Variants in B4GALT4 observed in about 807,000 individuals in gnomAD.
B4GALT4 encodes the protein N-acetyllactosamine synthase.
A neutral mutation model predicts 37.3 loss-of-function variants in B4GALT4; 27 were observed. The ratio of observed to expected loss-of-function variants is 0.72; its 90% CI spans 0.53 to 1.00. The LOEUF (loss-of-function observed/expected upper bound fraction) is 1.00. Among genes scored for constraint, B4GALT4 ranks in the 50% least tolerant of loss-of-function variants. The pLI is 0.00. For missense variants in B4GALT4, 372 were observed against 413.1 expected (o/e 0.90, Z 0.86); for synonymous variants, 148 against 154.1 (o/e 0.96, Z 0.29).
At chr3:119,225,541 C>G (rs1295977294) in intron 4 of B4GALT4, among the ~76,000 whole-genome samples, 1 of 150,922 alleles carries the variant, frequency 6.6e-6, no homozygotes, top group East Asian at 1.9e-4. Flanking sequence ...GGACTACAGG[C>G]ATGTGCCACC....
intron 1 of B4GALT4, chr3:119,240,406 G>A (rs998635296): frequency 2.0e-5 from 3 of 152,236 alleles, no homozygotes; most frequent in Non-Finnish European, 2.9e-5. Flanking sequence ...GCAGGACTGG[G>A]GCTGGTGTCA....
At chr3:119,231,803 AAAT>A (rs1436002377) in intron 2 of B4GALT4, among the ~76,000 whole-genome samples, 147 of 132,600 alleles carry the variant, frequency 1.1e-3, no homozygotes, top group Non-Finnish European at 2.0e-3. Flanking sequence ...ATAAAATATA[AAAT>A]AATATATTTT....
chr3:119,212,111 G>T lies in B4GALT4; in HGVS notation c.*438C>A. 5.7e-6 allele frequency: 4 copies of T among 702,844 alleles called. No homozygotes were observed. In the Admixed American group the frequency reaches 6.0e-5, roughly 11 times the overall value. 43.5% of individuals were successfully genotyped at this position (702,844 alleles called of 1,614,324 possible). ...TCACAGATGATTGTACAGGATAAAT[G>T]AATAACAGTATTGTATCTTCGTACC... On this transcript the variant is annotated 3_prime_UTR_variant, in exon 8 of 8. Coordinates refer to ENST00000393765, the MANE Select transcript of B4GALT4 (RefSeq NM_003778.4).
intron 5 of B4GALT4, among the ~76,000 whole-genome samples, chr3:119,223,712 A>G (rs977216235): frequency 1.3e-5 from 2 of 152,092 alleles, no homozygotes; most frequent in African/African-American, 4.8e-5. Context: ...CTAGAGGGGG[A>G]GTCAGGAATA....
At position 119,212,691 on chromosome 3, in the gene B4GALT4, A is replaced by G. The variant is rs2078191630; in HGVS notation, c.903-10T>C. The G allele has an allele frequency of 3.2e-6, 5 of 1,582,514 alleles. No homozygotes were observed. In the African/African-American group the frequency reaches 5.5e-5, roughly 17 times the overall value. On this transcript the variant is annotated splice_polypyrimidine_tract_variant and intron_variant, in intron 7 of 7. Coordinates refer to ENST00000393765, the MANE Select transcript of B4GALT4 (RefSeq NM_003778.4). ...GTGTAAGAGCTTCATCCTAAAGATA[A>G]AAAGAACAAATGTGAATGATAAGAA... is the stretch of plus-strand genomic sequence containing the variant.
intron 5 of B4GALT4, among the ~76,000 whole-genome samples, chr3:119,221,182 G>T (rs561249183): frequency 1.3e-4 from 20 of 152,252 alleles, no homozygotes; most frequent in African/African-American, 4.8e-4. Context: ...AATAACAATA[G>T]AATCCTTGTA....
At chr3:119,225,697 G>A (rs1314175885) in intron 4 of B4GALT4, among the ~76,000 whole-genome samples, 1 of 152,042 alleles carries the variant, frequency 6.6e-6, no homozygotes, top group East Asian at 1.9e-4. Flanking sequence ...CCAAAGTGCT[G>A]AGCCACCGGG....
At chr3:119,218,013 GC>G (rs1192007685) in intron 6 of B4GALT4, among the ~76,000 whole-genome samples, 4 of 152,090 alleles carry the variant, frequency 2.6e-5, no homozygotes, top group Non-Finnish European at 4.4e-5. Flanking sequence ...TAACTATCTG[GC>G]CCCCAAATCC....
chr3:119,213,242 CA>C (rs1478654721), intron 7 of B4GALT4: 1 of 152,270 alleles, frequency 6.6e-6, no homozygotes, highest in African/African-American at 2.4e-5. Flanking sequence ...GCACTCCAGG[CA>C]GAGAGACCAC....
chr3:119,231,632 AATAATT>A (rs1225360279), intron 2 of B4GALT4, among the ~76,000 whole-genome samples: 7 of 151,398 alleles, frequency 4.6e-5, no homozygotes. Flanking sequence ...GAAAGCTAAT[AATAATT>A]ATATTAGGAG....
chr3:119,240,548 C>G (rs2079125493), intron 1 of B4GALT4: 1 of 152,246 alleles, frequency 6.6e-6, no homozygotes, highest in Non-Finnish European at 1.5e-5. Context: ...ATGAATGAGC[C>G]CTGGATTTTT....
At chr3:119,217,475 G>C (rs2078322315) in intron 6 of B4GALT4, among the ~76,000 whole-genome samples, 1 of 152,124 alleles carries the variant, frequency 6.6e-6, no homozygotes, top group Non-Finnish European at 1.5e-5. Context: ...GGAGCCCCTG[G>C]GTTCTTTATG....
intron 3 of B4GALT4, among the ~76,000 whole-genome samples, chr3:119,229,074 T>C (rs2078725241): frequency 6.6e-6 from 1 of 152,130 alleles, no homozygotes; most frequent in African/African-American, 2.4e-5. Context: ...AAATAAACAC[T>C]AAAGACCACA....
rs1311872908 is a variant in B4GALT4 at position 119,230,120 on chromosome 3, T to C, written c.-21A>G. On this transcript the variant is annotated 5_prime_UTR_variant, in exon 3 of 8. The change creates a new upstream start codon in the 5' untranslated region. Transcript: ENST00000393765. ...CCCATGTTTTTTATTACGTGAATAA[T>C]ATCTATCTCTCTGCTTCACTGCAGG... The C allele has an allele frequency of 3.7e-6, 6 of 1,612,566 alleles. No individual in the cohort carries two copies. In the Admixed American group the frequency reaches 5.0e-5, roughly 13 times the overall value.
At chr3:119,240,420 G>C (rs13066310) in intron 1 of B4GALT4, 1 of 152,280 alleles carries the variant, frequency 6.6e-6, no homozygotes, top group Admixed American at 6.5e-5. Context: ...GGTGTCAGCT[G>C]ATCAGTTTCC....
rs762958936 is a variant in B4GALT4 at position 119,229,835 on chromosome 3, A to G, written c.253+12T>C. The G allele has an allele frequency of 2.5e-6, 4 of 1,611,436 alleles. No individual in the cohort carries two copies. Among genetic ancestry groups the G allele is most frequent in the African/African-American group, 2.7e-5 (2 of 74,760 alleles). ...GCATACTACTTAATCAAAGGAAAAA[A>G]GCAACACTTACTGAGGTAAGGAGAC... On this transcript the variant is annotated intron_variant, in intron 3 of 7. Coordinates refer to ENST00000393765, the MANE Select transcript of B4GALT4 (RefSeq NM_003778.4).
At chr3:119,217,090 C>T (rs1440643516) in intron 6 of B4GALT4, among the ~76,000 whole-genome samples, 5 of 152,314 alleles carry the variant, frequency 3.3e-5, no homozygotes, top group Middle Eastern at 3.4e-3. Flanking sequence ...ATTCTGAAGG[C>T]CATGATGGTC....
At chr3:119,239,200 C>T (rs1402941330) in intron 1 of B4GALT4, among the ~76,000 whole-genome samples, 1 of 151,934 alleles carries the variant, frequency 6.6e-6, no homozygotes, top group East Asian at 1.9e-4. Context: ...GTGGCCTGGG[C>T]CTGTAGTCCC....
chr3:119,224,004 G>A, intron 5 of B4GALT4, 54 bp downstream of exon 5: 1 of 1,508,406 alleles, frequency 6.6e-7, no homozygotes, highest in South Asian at 1.4e-5. Context: ...ACCCAGTCTT[G>A]ATCACAATAG....
Sources: gnomAD v4.1 joint callset for allele counts (sites outside exome capture counted in the v4.1 genomes callset) on GRCh38, gnomAD v4.1.1 for gene constraint, MANE v1.5 for transcripts, NCBI Gene and HGNC (gene_info 2026-07-23, HGNC 2026-07-21) for gene names.